STUB1: variants seen among roughly 807,000 people sequenced by gnomAD.
The protein encoded by STUB1 is E3 ubiquitin-protein ligase CHIP.
In STUB1, 37 loss-of-function variants were observed where a neutral mutation model predicts 40.3. The observed-to-expected ratio is 0.92, with a 90% CI of 0.71 to 1.21. The LOEUF is 1.21. Among genes scored for constraint, STUB1 ranks in the 50% most tolerant of loss-of-function variants. STUB1 has a pLI of 0.00. For synonymous variants in STUB1, 246 were observed against 171.9 expected (o/e 1.43, Z -3.37); for missense variants, 460 against 421.9 (o/e 1.09, Z -0.79).
Position 680,874 on chromosome 16 carries a change from G to T in STUB1, c.159+190G>T, listed in dbSNP as rs1228056891. 6.5e-6 allele frequency: 4 copies of T among 615,902 alleles called. No individual in the cohort carries two copies. Among genetic ancestry groups the T allele is most frequent in the Non-Finnish European group, 1.0e-5 (4 of 399,936 alleles). 38.2% of individuals were successfully genotyped at this position (615,902 alleles called of 1,614,324 possible). A position where few individuals can be genotyped will look rare whatever the true frequency, so the allele number is the denominator to read the frequency against. On this transcript the variant is annotated intron_variant, in intron 1 of 6. Coordinates refer to ENST00000219548, the MANE Select transcript of STUB1 (RefSeq NM_005861.4). The surrounding 1 kb of genome is among the most constrained non-coding windows in gnomAD (Gnocchi z 4.9). ...GTGCGATGCTGGATGGAGGCCGGCC[G>T]GGTGGGGGGAGGGCAGGGGCCCTCG... is the stretch of plus-strand genomic sequence containing the variant.
In STUB1 at chr16:680,661, G is replaced by A; in HGVS notation, c.136G>A (p.Ala46Thr). 1 of 1,308,198 alleles carries A rather than the reference G, an allele frequency of 7.6e-7. No individual in the cohort carries two copies. The highest frequency in any genetic ancestry group is 3.1e-5 in the East Asian group (1 of 31,922). 81.0% of individuals were successfully genotyped at this position (1,308,198 alleles called of 1,614,324 possible). A position where few individuals can be genotyped will look rare whatever the true frequency, so the allele number is the denominator to read the frequency against. The change falls in exon 1 of 7, where the codon GCG (alanine) becomes ACG (threonine). Residue 46 changes from alanine to threonine, a missense_variant. Ala to Thr is a moderately conservative substitution (Grantham distance 58). Transcript: ENST00000219548. This position sits in a 1 kb window ranked among gnomAD's most constrained non-coding sequence, Gnocchi z 4.9. ...CGTGGGCCGAAAGTACCCGGAGGCG[G>A]CGGCCTGCTACGGCCGCGCGATCGT... ...LFVGRKYPEA[A>T]ACYGRAITRN...
At position 682,669 on chromosome 16, in the gene STUB1, G is replaced by A. The variant is rs757081502; in HGVS notation, c.*180G>A. On this transcript the variant is annotated 3_prime_UTR_variant, in exon 7 of 7. Coordinates refer to ENST00000219548, the MANE Select transcript of STUB1 (RefSeq NM_005861.4). Reference sequence around the variant, plus strand: ...TGGGCCGTGATCGTCCCCCTTTGTGGGCTGGAAAAGCAGGTGAGGGTGGGC... The same window carrying A: ...TGGGCCGTGATCGTCCCCCTTTGTGAGCTGGAAAAGCAGGTGAGGGTGGGC... The A allele has an allele frequency of 1.0e-4, 148 of 1,411,968 alleles. No individual in the cohort carries two copies. The highest frequency in any genetic ancestry group is 1.8e-4 in the Middle Eastern group (1 of 5,456). The allele number at this position is 1,411,968 out of a possible 1,614,324, so 87.5% of individuals were successfully genotyped here. A position where few individuals can be genotyped will look rare whatever the true frequency, so the allele number is the denominator to read the frequency against.
intron 6 of STUB1, 36 bp downstream of exon 6, chr16:682,317 A>G (rs774606408): frequency 1.9e-6 from 3 of 1,612,874 alleles, no homozygotes; most frequent in South Asian, 2.2e-5. Flanking sequence ...GGCCAGTGGC[A>G]TGGTCCTGGG....
rs1483237642 is a variant in STUB1 at position 682,581 on chromosome 16, A to G, written c.*92A>G. The G allele has an allele frequency of 6.4e-7, 1 of 1,557,664 alleles. No individual in the cohort carries two copies. Among genetic ancestry groups the G allele is most frequent in the Admixed American group, 1.8e-5 (1 of 56,702 alleles). On this transcript the variant is annotated 3_prime_UTR_variant, in exon 7 of 7. Transcript: ENST00000219548. Reference sequence around the variant, plus strand: ...ATAGTTTATGTTCCTGGCCACCCCGACCGCTTCCCCCAAGTTCTGCTGTTG... The same window carrying G: ...ATAGTTTATGTTCCTGGCCACCCCGGCCGCTTCCCCCAAGTTCTGCTGTTG...
At position 680,421 on chromosome 16, in the gene STUB1, G is replaced by A. The variant is rs1002406618; in HGVS notation, c.-105G>A. The A allele has an allele frequency of 2.7e-5, 28 of 1,050,016 alleles. No individual in the cohort carries two copies. The highest frequency in any genetic ancestry group is 1.5e-4 in the Admixed American group (3 of 20,008). The allele number at this position is 1,050,016 out of a possible 1,614,324, so 65.0% of individuals were successfully genotyped here. ...GAAGTTCCGGCGGCGGAGCTGGGCC[G>A]GGCCCGAGCGGATCGCGGGCTCGGG... On this transcript the variant is annotated 5_prime_UTR_variant, in exon 1 of 7. Transcript: ENST00000219548. The surrounding 1 kb of genome is among the most constrained non-coding windows in gnomAD (Gnocchi z 4.9).
rs2039640547 is a variant in STUB1 at position 680,930 on chromosome 16, A to G, written c.160-222A>G. ...TGAGGACCCCAGGTCCTAAGCCCGG[A>G]CTCTCCAAAGATTTGGAAAACTTTA... On this transcript the variant is annotated intron_variant, in intron 1 of 6. Transcript: ENST00000219548. This position sits in a 1 kb window ranked among gnomAD's most constrained non-coding sequence, Gnocchi z 4.9. 1.5e-6 allele frequency: 1 copy of G among 664,786 alleles called. No individual in the cohort carries two copies. 41.2% of individuals were successfully genotyped at this position (664,786 alleles called of 1,614,324 possible). A position where few individuals can be genotyped will look rare whatever the true frequency, so the allele number is the denominator to read the frequency against.
rs1210380996 is a variant in STUB1, at chr16:682,420, C to A, written c.843C>A (p.Ile281=). The change falls in exon 7 of 7, where the codon ATC becomes ATA. Residue 281 remains isoleucine, a synonymous_variant. Coordinates refer to ENST00000219548, the MANE Select transcript of STUB1 (RefSeq NM_005861.4). The part of the protein sequence containing the change: ...TRSPLTQEQL[I]PNLAMKEVID... ...GCCCCCTGACCCAGGAACAGCTCAT[C>A]CCCAACTTGGCTATGAAGGAGGTTA... 1 of 1,613,442 alleles carries A rather than the reference C, an allele frequency of 6.2e-7. No homozygotes were observed. Among genetic ancestry groups the A allele is most frequent in the South Asian group, 1.1e-5 (1 of 91,090 alleles).
Position 680,846 on chromosome 16 carries a change from A to C in STUB1, c.159+162A>C. On this transcript the variant is annotated intron_variant, in intron 1 of 6. Transcript: ENST00000219548. This position sits in a 1 kb window ranked among gnomAD's most constrained non-coding sequence, Gnocchi z 4.9. ...GCCCAGCGCCGGGTGCCGGAGAACGAGGGTGCGATGCTGGATGGAGGCCGG... is the reference window on the plus strand; with the variant it reads ...GCCCAGCGCCGGGTGCCGGAGAACGCGGGTGCGATGCTGGATGGAGGCCGG... The C allele has an allele frequency of 2.2e-6, 1 of 456,410 alleles. No individual in the cohort carries two copies. The highest frequency in any genetic ancestry group is 3.0e-6 in the Non-Finnish European group (1 of 328,496). 28.3% of individuals were successfully genotyped at this position (456,410 alleles called of 1,614,324 possible). A position where few individuals can be genotyped will look rare whatever the true frequency, so the allele number is the denominator to read the frequency against.
intron 1 of STUB1, 115 bp from the exon 2 acceptor site, chr16:681,037 T>A (rs915223481): frequency 9.0e-6 from 10 of 1,112,934 alleles, no homozygotes; most frequent in African/African-American, 1.6e-5. Flanking sequence ...CTTTGACAAC[T>A]GAGAAACCTA....
chr16:681,817 C>T lies in STUB1; in HGVS notation c.549C>T (p.Asn183=). ...GGGAGCTGGAAGAGTGCCAGCGAAA[C>T]CACGAGGGTGATGAGGACGACAGCC... The part of the protein sequence containing the change: ...RERELEECQR[N]HEGDEDDSHV... Residue 183 remains asparagine, a synonymous_variant, in exon 4 of 7, where the codon AAC becomes AAT. Coordinates refer to ENST00000219548, the MANE Select transcript of STUB1 (RefSeq NM_005861.4). The T allele has an allele frequency of 1.9e-6, 3 of 1,606,332 alleles. No homozygotes were observed. Among genetic ancestry groups the T allele is most frequent in the Non-Finnish European group, 2.6e-6 (3 of 1,175,140 alleles).
chr16:682,635 C>T lies in STUB1; in HGVS notation c.*146C>T, dbSNP rs796696588. The T allele has an allele frequency of 4.1e-5, 59 of 1,429,866 alleles. 1 individual carries two copies. The highest frequency in any genetic ancestry group is 1.1e-4 in the African/African-American group (8 of 71,680). The allele number at this position is 1,429,866 out of a possible 1,614,324, so 88.6% of individuals were successfully genotyped here. On this transcript the variant is annotated 3_prime_UTR_variant, in exon 7 of 7. Transcript: ENST00000219548. ...TCTGGACTGTTTCCCCTCTCAGCATCGCTTTTGCTGGGCCGTGATCGTCCC... is the reference window on the plus strand; with the variant it reads ...TCTGGACTGTTTCCCCTCTCAGCATTGCTTTTGCTGGGCCGTGATCGTCCC...
rs1042972673 is a variant in STUB1, at chr16:680,847, G to A, written c.159+163G>A. On this transcript the variant is annotated intron_variant, in intron 1 of 6. Coordinates refer to ENST00000219548, the MANE Select transcript of STUB1 (RefSeq NM_005861.4). The surrounding 1 kb of genome is among the most constrained non-coding windows in gnomAD (Gnocchi z 4.9). ...CCCAGCGCCGGGTGCCGGAGAACGA[G>A]GGTGCGATGCTGGATGGAGGCCGGC... is the stretch of plus-strand genomic sequence containing the variant. The A allele has an allele frequency of 5.4e-6, 4 of 734,084 alleles. No individual in the cohort carries two copies. Among genetic ancestry groups the A allele is most frequent in the Non-Finnish European group, 7.6e-6 (4 of 527,908 alleles). The allele number at this position is 734,084 out of a possible 1,614,324, so 45.5% of individuals were successfully genotyped here.
In STUB1 at chr16:680,584, C is replaced by G; in HGVS notation, c.59C>G (p.Pro20Arg). Residue 20 changes from proline to arginine, a missense_variant, in exon 1 of 7, where the codon CCC becomes CGC. Transcript: ENST00000219548. This position sits in a 1 kb window ranked among gnomAD's most constrained non-coding sequence, Gnocchi z 4.9. ...GARLGAGGGS[P>R]EKSPSAQELK... ...CGGCTGGGCGCTGGCGGCGGAAGCC[C>G]CGAGAAGAGCCCGAGCGCGCAGGAG... is the stretch of plus-strand genomic sequence containing the variant. The G allele has an allele frequency of 7.2e-7, 1 of 1,397,452 alleles. No homozygotes were observed. Among genetic ancestry groups the G allele is most frequent in the Non-Finnish European group, 9.4e-7 (1 of 1,065,766 alleles). The allele number at this position is 1,397,452 out of a possible 1,614,324, so 86.6% of individuals were successfully genotyped here. A position where few individuals can be genotyped will look rare whatever the true frequency, so the allele number is the denominator to read the frequency against.
Position 680,600 on chromosome 16 carries a change from C to T in STUB1, c.75C>T (p.Ser25=), listed in dbSNP as rs1379103327. 2 of 1,407,306 alleles carry T rather than the reference C, an allele frequency of 1.4e-6. No individual in the cohort carries two copies. Among genetic ancestry groups the T allele is most frequent in the Non-Finnish European group, 1.9e-6 (2 of 1,070,634 alleles). The allele number at this position is 1,407,306 out of a possible 1,614,324, so 87.2% of individuals were successfully genotyped here. Reference sequence around the variant, plus strand: ...GCGGAAGCCCCGAGAAGAGCCCGAGCGCGCAGGAGCTCAAGGAGCAGGGCA... The same window carrying T: ...GCGGAAGCCCCGAGAAGAGCCCGAGTGCGCAGGAGCTCAAGGAGCAGGGCA... ...AGGGSPEKSP[S]AQELKEQGNR... is the part of the protein sequence containing the mutation. The change falls in exon 1 of 7, where the codon AGC becomes AGT. Residue 25 remains serine, a synonymous_variant. Transcript: ENST00000219548. This position sits in a 1 kb window ranked among gnomAD's most constrained non-coding sequence, Gnocchi z 4.9.
rs1567279654 is a variant in STUB1, at chr16:681,256, G to C, written c.264G>C (p.Glu88Asp). Residue 88 changes from glutamate (E) to aspartate (D), a missense_variant, in exon 2 of 7, where the codon GAG becomes GAC. Physicochemically the swap from Glu to Asp is conservative, Grantham distance 45. Coordinates refer to ENST00000219548, the MANE Select transcript of STUB1 (RefSeq NM_005861.4). ...QALADCRRAL[E>D]LDGQSVKAHF... ...TGGCCGACTGCCGGCGCGCCCTGGA[G>C]CTGGACGGGCAGTCTGTGAAGGCGC... 1.2e-6 allele frequency: 2 copies of C among 1,612,796 alleles called. No individual in the cohort carries two copies. The highest frequency in any genetic ancestry group is 1.7e-6 in the Non-Finnish European group (2 of 1,179,960).
chr16:682,142 G>A, intron 5 of STUB1, 23 bp from the exon 6 acceptor site: 1 of 1,595,718 alleles, frequency 6.3e-7, no homozygotes, highest in Non-Finnish European at 8.6e-7. Flanking sequence ...TTCAGCCTCT[G>A]ACCGTGTGCC....
intron 4 of STUB1, 29 bp from the exon 5 acceptor site, chr16:681,991 C>T (rs778888264): frequency 3.9e-5 from 63 of 1,610,796 alleles, no homozygotes; most frequent in Non-Finnish European, 5.2e-5. Flanking sequence ...GGGGTGTCTC[C>T]CCCAAGCACA....
At position 682,152 on chromosome 16, in the gene STUB1, C is replaced by T. The variant is rs1327717226; in HGVS notation, c.670-13C>T. 15 of 1,600,610 alleles carry T rather than the reference C, an allele frequency of 9.4e-6. No homozygotes were observed. The highest frequency in any genetic ancestry group is 2.2e-5 in the East Asian group (1 of 44,476). ...CCCTTTTCAGCCTCTGACCGTGTGC[C>T]CCTGTGCCACAGAAGCGAGACATCC... is the stretch of plus-strand genomic sequence containing the variant. On this transcript the variant is annotated splice_polypyrimidine_tract_variant and intron_variant, in intron 5 of 6. Transcript: ENST00000219548.
At position 681,451 on chromosome 16, in the gene STUB1, C is replaced by T. The variant is rs1041612733; in HGVS notation, c.372C>T (p.Ala124=). ...CCCGTTCCCCAGCTTACAGCCTGGC[C>T]AAGGAGCAGCGGCTGAACTTCGGGG... is the stretch of plus-strand genomic sequence containing the variant. ...IANLQRAYSL[A]KEQRLNFGDD... The change falls in exon 3 of 7, where the codon GCC becomes GCT. Residue 124 remains alanine, a synonymous_variant. Coordinates refer to ENST00000219548, the MANE Select transcript of STUB1 (RefSeq NM_005861.4). The T allele has an allele frequency of 3.1e-6, 5 of 1,612,236 alleles. No individual in the cohort carries two copies. The highest frequency in any genetic ancestry group is 1.3e-5 in the African/African-American group (1 of 75,072).
Sources: gnomAD v4.1 joint callset for allele counts on GRCh38, gnomAD v4.1.1 for gene constraint, Gnocchi (gnomAD v3.1) non-coding constraint, MANE v1.5 for transcripts, NCBI Gene and HGNC (gene_info 2026-07-23, HGNC 2026-07-21) for gene names.